EPHB1: variants seen among roughly 807,000 people sequenced by gnomAD.
EPHB1 encodes EPH receptor B1.
EPHB1 carries 30 observed loss-of-function variants against 94.4 expected under a neutral mutation model. The observed-to-expected ratio is 0.32, with a 90% CI of 0.24 to 0.43. The LOEUF is 0.43. Ranked by LOEUF, EPHB1 falls within the 20% of genes least tolerant of loss-of-function variation. EPHB1 has a pLI of 1.00. For synonymous variants in EPHB1, 522 were observed against 489.1 expected, an observed-to-expected ratio of 1.07 and a Z score of -0.89; for missense variants, 1,055 against 1,308.3, an observed-to-expected ratio of 0.81 and a Z score of 2.99.
intron 1 of EPHB1, among the ~76,000 whole-genome samples, chr3:134,803,042 CAGCACCTGCAGACAGCACCACT>C (rs1361705490): frequency 6.6e-6 from 1 of 152,178 alleles, no homozygotes; most frequent in East Asian, 1.9e-4. Flanking sequence ...GGTGAAATCC[CAGCACCTGCAGACAGCACCACT>C]AGCAGCTGCT....
At chr3:135,118,496 CG>C (rs902125648) in intron 4 of EPHB1, among the ~76,000 whole-genome samples, 26 of 152,220 alleles carry the variant, frequency 1.7e-4, no homozygotes, top group Admixed American at 9.8e-4. Context: ...ATGACTTGCC[CG>C]AGTTTCCACC....
At chr3:134,806,850 C>T (rs1247429799) in intron 1 of EPHB1, among the ~76,000 whole-genome samples, 1 of 152,062 alleles carries the variant, frequency 6.6e-6, no homozygotes, top group East Asian at 1.9e-4. Context: ...AAATAATGTA[C>T]ATATAATTTC....
chr3:134,883,925 C>T (rs73217014), intron 1 of EPHB1, among the ~76,000 whole-genome samples: 9,136 of 152,276 alleles, frequency 0.06, 297 homozygotes, highest in South Asian at 0.12. Flanking sequence ...ATCATCTCAT[C>T]ATAACTCTGT....
At chr3:135,192,520 C>G (rs1942487422) in intron 10 of EPHB1, 56 bp from the exon 11 acceptor site, 1 of 1,588,000 alleles carries the variant, frequency 6.3e-7, no homozygotes, top group South Asian at 1.2e-5. Flanking sequence ...TGACTTCCCT[C>G]TTGAGTCCAC....
intron 1 of EPHB1, among the ~76,000 whole-genome samples, chr3:134,924,907 G>T (rs189677992): frequency 6.1e-4 from 93 of 152,282 alleles, no homozygotes; most frequent in African/African-American, 1.7e-3. Flanking sequence ...ACAGGGACAT[G>T]GTGGGTTAGG....
At chr3:135,040,566 C>T (rs1411840958) in intron 3 of EPHB1, among the ~76,000 whole-genome samples, 2 of 152,240 alleles carry the variant, frequency 1.3e-5, no homozygotes, top group Non-Finnish European at 2.9e-5. Context: ...TGAGACACAC[C>T]TGTGTCCACA....
At chr3:134,949,695 A>T (rs554959812) in intron 2 of EPHB1, among the ~76,000 whole-genome samples, 1 of 152,220 alleles carries the variant, frequency 6.6e-6, no homozygotes, top group South Asian at 2.1e-4. Context: ...ATCTTAATTC[A>T]TTTTCACTTT....
chr3:134,885,085 A>G (rs2037835470), intron 1 of EPHB1, among the ~76,000 whole-genome samples: 1 of 152,254 alleles, frequency 6.6e-6, no homozygotes, highest in African/African-American at 2.4e-5. Context: ...GTTAGAAGAA[A>G]GCATAAGCCA....
chr3:134,921,680 T>C (rs906437593), intron 1 of EPHB1, among the ~76,000 whole-genome samples: 5 of 152,240 alleles, frequency 3.3e-5, no homozygotes, highest in Admixed American at 1.3e-4. Flanking sequence ...CGATATCATA[T>C]AGAATATACC....
intron 3 of EPHB1, among the ~76,000 whole-genome samples, chr3:135,077,567 C>T (rs1051487956): frequency 1.3e-5 from 2 of 152,170 alleles, no homozygotes; most frequent in Admixed American, 1.3e-4. Flanking sequence ...GGTCTCAAAC[C>T]TAGGTAGGAG....
chr3:135,101,050 C>G (rs922048249), intron 3 of EPHB1, among the ~76,000 whole-genome samples: 1 of 152,146 alleles, frequency 6.6e-6, no homozygotes, highest in Non-Finnish European at 1.5e-5. Flanking sequence ...AAGGGAACCC[C>G]TTTCTCTTAA....
intron 13 of EPHB1, among the ~76,000 whole-genome samples, chr3:135,245,050 A>G (rs532489917): frequency 6.6e-6 from 1 of 152,234 alleles, no homozygotes; most frequent in Non-Finnish European, 1.5e-5. Flanking sequence ...TACCCTGAAA[A>G]GTGAGAAAAG....
intron 4 of EPHB1, among the ~76,000 whole-genome samples, chr3:135,129,945 C>T (rs2107686167): frequency 1.3e-5 from 2 of 152,136 alleles, no homozygotes; most frequent in Middle Eastern, 6.8e-3. Context: ...AGGTCAACTG[C>T]CAGGGATGAG....
intron 15 of EPHB1, among the ~76,000 whole-genome samples, chr3:135,250,035 G>A (rs1228380312): frequency 6.6e-6 from 1 of 152,204 alleles, no homozygotes; most frequent in East Asian, 1.9e-4. Flanking sequence ...GAGTTTTAAA[G>A]ATCCATGTGG....
intron 1 of EPHB1, among the ~76,000 whole-genome samples, chr3:134,872,672 G>A (rs2037526380): frequency 6.6e-6 from 1 of 152,226 alleles, no homozygotes; most frequent in Non-Finnish European, 1.5e-5. Flanking sequence ...GAGTGATCAT[G>A]TCACTCCCTG....
intron 4 of EPHB1, among the ~76,000 whole-genome samples, chr3:135,116,126 A>C (rs890191608): frequency 2.0e-4 from 31 of 152,326 alleles, no homozygotes; most frequent in Admixed American, 1.6e-3. Context: ...AGGCAGGATA[A>C]TCGCTTGAAC....
intron 2 of EPHB1, among the ~76,000 whole-genome samples, chr3:134,929,845 GA>G (rs2038871077): frequency 6.6e-6 from 1 of 152,238 alleles, no homozygotes; most frequent in Admixed American, 6.5e-5. Flanking sequence ...AGGTGTTTGA[GA>G]AGCCAGGAGG....
chr3:135,094,786 C>T (rs1410235275), intron 3 of EPHB1, among the ~76,000 whole-genome samples: 1 of 152,248 alleles, frequency 6.6e-6, no homozygotes. Flanking sequence ...TCAGCAGCTA[C>T]TGGCTGTCCA....
chr3:135,098,042 A>T (rs1224413337), intron 3 of EPHB1, among the ~76,000 whole-genome samples: 2 of 152,050 alleles, frequency 1.3e-5, no homozygotes, highest in Non-Finnish European at 2.9e-5. Flanking sequence ...TCCAACGGCA[A>T]CCCACTCTCC....
Sources: allele counts gnomAD v4.1 joint callset (sites outside exome capture counted in the v4.1 genomes callset), GRCh38; gene constraint gnomAD v4.1.1; transcripts MANE v1.5; gene names NCBI Gene and HGNC (gene_info 2026-07-23, HGNC 2026-07-21).